The following ZNF503 variants were observed in gnomAD, a reference collection of about 807,000 sequenced individuals.
The protein encoded by ZNF503 is zinc finger protein 503, also known as NocA-like zinc finger 2.
A neutral mutation model predicts 34.4 loss-of-function variants in ZNF503; 15 were observed. The observed-to-expected ratio is 0.44, with a 90% CI of 0.29 to 0.67. ZNF503 has a LOEUF of 0.67. Ranked by LOEUF, ZNF503 falls within the 30% of genes least tolerant of loss-of-function variation. The pLI is 0.13. For missense variants in ZNF503, 1,007 were observed against 926.8 expected, an observed-to-expected ratio of 1.09 and a Z score of -1.12; for synonymous variants, 580 against 456.8, an observed-to-expected ratio of 1.27 and a Z score of -3.44.
the ZNF503 span, among the ~76,000 whole-genome samples, chr10:75,360,265 C>T: frequency 2.1e-3 from 320 of 150,402 alleles, 1 homozygote; most frequent in African/African-American, 7.2e-3. Flanking sequence ...GGACTACAGG[C>T]GCCCGCCACC....
the ZNF503 span, among the ~76,000 whole-genome samples, chr10:75,335,861 C>T: frequency 6.6e-6 from 1 of 152,104 alleles, no homozygotes; most frequent in Non-Finnish European, 1.5e-5. Flanking sequence ...GCAATGTTTC[C>T]CATGTGTTCT....
chr10:75,398,326 C>G lies in ZNF503; in HGVS notation c.*423G>C. The G allele has an allele frequency of 6.3e-6, 1 of 158,322 alleles. No homozygotes were observed. The highest frequency in any genetic ancestry group is 1.4e-5 in the Non-Finnish European group (1 of 72,308). The allele number at this position is 158,322 out of a possible 1,614,324, so 9.8% of individuals were successfully genotyped here. A position where few individuals can be genotyped will look rare whatever the true frequency, so the allele number is the denominator to read the frequency against. On this transcript the variant is annotated 3_prime_UTR_variant, in exon 2 of 2. Coordinates refer to ENST00000372524, the MANE Select transcript of ZNF503 (RefSeq NM_032772.6). ...GGAGGGTTTGTTTTCCACATTTTTA[C>G]CCTCAAGTTTTAAAATTTTTCCCAC...
chr10:75,401,122 G>T lies in ZNF503; in HGVS notation c.298C>A (p.Pro100Thr), dbSNP rs1275426535. 6.2e-7 allele frequency: 1 copy of T among 1,613,444 alleles called. No homozygotes were observed. ...GTCCTTACCTCGATGGGGCTGACCG[G>T]CGTGGAAGGCAGGGGCTGCAGGTAC... ...PEYLQPLPSTPVSPIELDAKK... is the reference protein window; with the variant it reads ...PEYLQPLPSTTVSPIELDAKK... Residue 100 changes from proline (P) to threonine (T), a missense_variant, in exon 1 of 2, where the codon CCG (proline) becomes ACG (threonine). By Grantham distance (38) the Pro-to-Thr change is conservative. Coordinates refer to ENST00000372524, the MANE Select transcript of ZNF503 (RefSeq NM_032772.6).
chr10:75,303,831 C>CTTTTTTT, the ZNF503 span, among the ~76,000 whole-genome samples: 1 of 124,494 alleles, frequency 8.0e-6, no homozygotes, highest in East Asian at 2.3e-4. Context: ...GTGGCTAAAT[C>CTTTTTTT]TTTTTTTTTT....
In ZNF503 at chr10:75,401,646, G is replaced by A. The variant is rs1198569150; in HGVS notation, c.-227C>T. 1.7e-5 allele frequency: 9 copies of A among 537,318 alleles called. No individual in the cohort carries two copies. The East Asian group carries it at 3.0e-4, about 18-fold the overall frequency. 33.3% of individuals were successfully genotyped at this position (537,318 alleles called of 1,614,324 possible). On this transcript the variant is annotated 5_prime_UTR_variant, in exon 1 of 2. Coordinates refer to ENST00000372524, the MANE Select transcript of ZNF503 (RefSeq NM_032772.6). ...GGGCTAGAGGAGCCGGCTGGACTGCGGGAGTGCCGGGCGGCTCGCGGTGTC... is the reference window on the plus strand; with the variant it reads ...GGGCTAGAGGAGCCGGCTGGACTGCAGGAGTGCCGGGCGGCTCGCGGTGTC...
the ZNF503 span, among the ~76,000 whole-genome samples, chr10:75,339,513 CTTG>C: frequency 1.6e-4 from 24 of 152,264 alleles, no homozygotes; most frequent in Middle Eastern, 3.4e-3. Flanking sequence ...TAGAAAACTG[CTTG>C]TTGTATGCCA....
chr10:75,388,651 A>G, the ZNF503 span, among the ~76,000 whole-genome samples: 1 of 152,218 alleles, frequency 6.6e-6, no homozygotes, highest in Non-Finnish European at 1.5e-5. Flanking sequence ...CAGTTTCCCC[A>G]TCCATAAAGT....
the ZNF503 span, among the ~76,000 whole-genome samples, chr10:75,302,134 T>A: frequency 6.6e-6 from 1 of 152,260 alleles, no homozygotes; most frequent in African/African-American, 2.4e-5. Context: ...TTTAGCTGTA[T>A]ATGGAATTTT....
the ZNF503 span, among the ~76,000 whole-genome samples, chr10:75,389,992 G>A: frequency 3.9e-5 from 6 of 151,988 alleles, no homozygotes; most frequent in Middle Eastern, 3.4e-3. Context: ...TCCCGGGTTC[G>A]CGCCATTCTC....
chr10:75,386,348 G>C, the ZNF503 span, among the ~76,000 whole-genome samples: 11 of 152,248 alleles, frequency 7.2e-5, no homozygotes, highest in Non-Finnish European at 1.2e-4. Context: ...ATGAAGCAGA[G>C]TAGCCACAGA....
chr10:75,378,508 C>T, the ZNF503 span, among the ~76,000 whole-genome samples: 1 of 151,910 alleles, frequency 6.6e-6, no homozygotes, highest in African/African-American at 2.4e-5. Flanking sequence ...TATCCATGAC[C>T]CACTCTCTCC....
the ZNF503 span, among the ~76,000 whole-genome samples, chr10:75,349,611 C>T: frequency 6.6e-6 from 1 of 152,116 alleles, no homozygotes; most frequent in African/African-American, 2.4e-5. Context: ...GAGGACAGGC[C>T]GGGATTAGGT....
At chr10:75,376,301 C>T in the ZNF503 span, among the ~76,000 whole-genome samples, 1 of 152,174 alleles carries the variant, frequency 6.6e-6, no homozygotes, top group Non-Finnish European at 1.5e-5. Flanking sequence ...TGCCCCACCA[C>T]CCCTCTCTGG....
At chr10:75,343,950 C>G in the ZNF503 span, among the ~76,000 whole-genome samples, 1 of 152,234 alleles carries the variant, frequency 6.6e-6, no homozygotes, top group African/African-American at 2.4e-5. Flanking sequence ...ACGGGGGCCA[C>G]AGGCTTGGCT....
At chr10:75,376,839 A>G in the ZNF503 span, among the ~76,000 whole-genome samples, 1 of 152,126 alleles carries the variant, frequency 6.6e-6, no homozygotes, top group Non-Finnish European at 1.5e-5. Context: ...TTATAAAACC[A>G]TCAGATCTTC....
chr10:75,371,319 C>T, the ZNF503 span, among the ~76,000 whole-genome samples: 3 of 152,162 alleles, frequency 2.0e-5, no homozygotes, highest in African/African-American at 7.2e-5. Context: ...GGCCACTCAG[C>T]CTGGGACAGA....
the ZNF503 span, among the ~76,000 whole-genome samples, chr10:75,385,831 T>C: frequency 1.3e-5 from 2 of 152,212 alleles, no homozygotes; most frequent in African/African-American, 4.8e-5. Flanking sequence ...CTCATAAGTT[T>C]CAGCCTCCAC....
At chr10:75,376,030 A>G in the ZNF503 span, among the ~76,000 whole-genome samples, 1 of 152,216 alleles carries the variant, frequency 6.6e-6, no homozygotes, top group South Asian at 2.1e-4. Context: ...GGCTAGGGCT[A>G]GAATCAGCCA....
the ZNF503 span, among the ~76,000 whole-genome samples, chr10:75,309,974 A>G: frequency 6.6e-6 from 1 of 152,192 alleles, no homozygotes; most frequent in Admixed American, 6.5e-5. Flanking sequence ...TAATTCCATC[A>G]TGGTGAAAGG....
Sources: gnomAD v4.1 joint callset for allele counts (sites outside exome capture counted in the v4.1 genomes callset) on GRCh38, gnomAD v4.1.1 for gene constraint, MANE v1.5 for transcripts, NCBI Gene and HGNC (gene_info 2026-07-23, HGNC 2026-07-21) for gene names.